The following CDH22 variants were observed in gnomAD, a reference collection of about 807,000 sequenced individuals.
CDH22 encodes cadherin 22.
A neutral mutation model predicts 58.4 loss-of-function variants in CDH22; 30 were observed. That is an observed-to-expected ratio of 0.51 (90% CI 0.38 to 0.70). The LOEUF is 0.70. Ranked by LOEUF, CDH22 falls within the 30% of genes least tolerant of loss-of-function variation. CDH22 has a pLI of 0.00. For synonymous variants in CDH22, 513 were observed against 558.2 expected, an observed-to-expected ratio of 0.92 and a Z score of 1.14; for missense variants, 1,014 against 1,233.9, an observed-to-expected ratio of 0.82 and a Z score of 2.67.
chr20:46,227,558 AC>A lies in CDH22; in HGVS notation c.619del (p.Val207CysfsTer19). 6.2e-7 allele frequency: 1 copy of A among 1,611,958 alleles called. No individual in the cohort carries two copies. The highest frequency in any genetic ancestry group is 8.5e-7 in the Non-Finnish European group (1 of 1,179,564). ...GTGCTCGCCGTCCAGCACGCTGTAC[AC>A]CAGCCGAGCGCTGCTGCCGTACGTG... ...DPTYGSSARL[V>X]YSVLDGEHHF... is the part of the protein sequence containing the mutation. On this transcript the variant is annotated frameshift_variant, in exon 4 of 12. Transcript: ENST00000537909. LOFTEE classifies it high-confidence loss of function.
intron 1 of CDH22, among the ~76,000 whole-genome samples, chr20:46,298,341 T>C (rs557562240): frequency 6.6e-6 from 1 of 152,268 alleles, no homozygotes; most frequent in African/African-American, 2.4e-5. Flanking sequence ...TTATCTTTAG[T>C]ATCAGGTATC....
At position 46,181,795 on chromosome 20, in the gene CDH22, T is replaced by TTTCTTTCTTTCTTTCTTTC. The variant is rs1491111907; in HGVS notation, c.1664-3599_1664-3598insGAAAGAAAGAAAGAAAGAA. 3.4e-3 allele frequency among the ~76,000 whole-genome samples: 153 copies of TTTCTTTCTTTCTTTCTTTC among 45,568 alleles called. 2 individuals carry two copies. Among genetic ancestry groups the TTTCTTTCTTTCTTTCTTTC allele is most frequent in the Admixed American group, 6.2e-3 (22 of 3,542 alleles). The allele number at this position is 45,568 out of a possible 152,430, so 29.9% of individuals were successfully genotyped here. ...TCTTTCTTTCTTTCTTTCTTTCTTT[T>TTTCTTTCTTTCTTTCTTTC]CTCTCTCTTTCTCTTTCCTTTCTTT... On this transcript the variant is annotated intron_variant, in intron 10 of 11. Coordinates refer to ENST00000537909, the MANE Select transcript of CDH22 (RefSeq NM_021248.3).
chr20:46,279,274 A>G (rs2086536934), intron 1 of CDH22, among the ~76,000 whole-genome samples: 1 of 152,220 alleles, frequency 6.6e-6, no homozygotes, highest in Non-Finnish European at 1.5e-5. Flanking sequence ...CAAAAAACTC[A>G]TGACTCAGGA....
At position 46,241,373 on chromosome 20, in the gene CDH22, C is replaced by T. The variant is rs1468334509; in HGVS notation, c.256-116G>A. On this transcript the variant is annotated intron_variant, in intron 2 of 11. Coordinates refer to ENST00000537909, the MANE Select transcript of CDH22 (RefSeq NM_021248.3). This position sits in a 1 kb window ranked among gnomAD's most constrained non-coding sequence, Gnocchi z 5.2. ...GCCCATCTCTTCTCCAGCACATACA[C>T]ATCTTTAGTGAGGACACTGAGGCCC... 6 of 881,260 alleles carry T rather than the reference C, an allele frequency of 6.8e-6. No homozygotes were observed. The highest frequency in any genetic ancestry group is 3.5e-5 in the South Asian group (2 of 56,404). 54.6% of individuals were successfully genotyped at this position (881,260 alleles called of 1,614,324 possible).
chr20:46,226,087 G>A (rs6074069), intron 4 of CDH22, among the ~76,000 whole-genome samples: 35,240 of 151,576 alleles, frequency 0.23, 4,109 homozygotes, highest in South Asian at 0.28. Flanking sequence ...CCCTCTCGAC[G>A]TCACCTCTCA....
At chr20:46,188,736 T>C (rs1346007853) in intron 8 of CDH22, among the ~76,000 whole-genome samples, 1 of 152,200 alleles carries the variant, frequency 6.6e-6, no homozygotes, top group South Asian at 2.1e-4. Flanking sequence ...ATGTTGGTGC[T>C]TTCTAACCCC....
chr20:46,205,887 T>A lies in CDH22; in HGVS notation c.1286+4420A>T, dbSNP rs8120684. Among the ~76,000 whole-genome samples the A allele has an allele frequency of 7.6e-3, 1,155 of 152,184 alleles. 4 individuals are homozygous for A. The highest frequency in any genetic ancestry group is 0.012 in the Non-Finnish European group (822 of 68,006). On this transcript the variant is annotated intron_variant, in intron 7 of 11. Transcript: ENST00000537909. The stretch of plus-strand genomic sequence containing the variant: ...TCCATGATTCTGTCCCTGCCATCTC[T>A]CCTCCCCATCACTCCAACCTGGGGC...
chr20:46,247,812 G>A (rs2086341859), intron 2 of CDH22, among the ~76,000 whole-genome samples: 1 of 152,210 alleles, frequency 6.6e-6, no homozygotes, highest in African/African-American at 2.4e-5. Flanking sequence ...TTTGCTAAGA[G>A]ATGGAAACTT....
chr20:46,227,414 G>A (rs1321899639), intron 4 of CDH22, 94 bp downstream of exon 4: 1 of 1,229,300 alleles, frequency 8.1e-7, no homozygotes, highest in Non-Finnish European at 1.1e-6. Flanking sequence ...TTCTGGGACA[G>A]AAGGCTCAGA....
intron 2 of CDH22, among the ~76,000 whole-genome samples, chr20:46,242,212 T>A (rs2086295415): frequency 6.6e-6 from 1 of 152,150 alleles, no homozygotes; most frequent in Non-Finnish European, 1.5e-5. Context: ...TTTTACAGAT[T>A]TTTTTCCCAC....
At chr20:46,204,393 CAAAAAAAAAA>C (rs3092239) in intron 7 of CDH22, among the ~76,000 whole-genome samples, 1 of 77,278 alleles carries the variant, frequency 1.3e-5, no homozygotes, top group African/African-American at 5.4e-5. Context: ...GACTCTGTCT[CAAAAAAAAAA>C]AAAAAAAAAA....
intron 1 of CDH22, among the ~76,000 whole-genome samples, chr20:46,256,670 T>G (rs1338223202): frequency 6.6e-6 from 1 of 152,124 alleles, no homozygotes; most frequent in East Asian, 1.9e-4. Context: ...TAAGAGGGTT[T>G]GAGCAGAAGA....
chr20:46,255,767 G>T (rs1341545049), intron 1 of CDH22, among the ~76,000 whole-genome samples: 1 of 152,162 alleles, frequency 6.6e-6, no homozygotes, highest in Non-Finnish European at 1.5e-5. Flanking sequence ...TGAATGGATG[G>T]TGACTACAGA....
Position 46,210,540 on chromosome 20 carries a change from C to A in CDH22, c.1053G>T (p.Gln351His). The A allele has an allele frequency of 7.0e-7, 1 of 1,428,966 alleles. No homozygotes were observed. The highest frequency in any genetic ancestry group is 9.2e-7 in the Non-Finnish European group (1 of 1,088,182). 88.5% of individuals were successfully genotyped at this position (1,428,966 alleles called of 1,614,324 possible). The change falls in exon 7 of 12, where the codon CAG (glutamine) becomes CAT (histidine). Residue 351 changes from glutamine (Q) to histidine (H), a missense_variant. Physicochemically the swap from Gln to His is conservative, Grantham distance 24 (BLOSUM62 0). This residue lies in a region of CDH22 where 806 missense variants were observed against 1,038.7 expected (regional missense o/e 0.78). Coordinates refer to ENST00000537909, the MANE Select transcript of CDH22 (RefSeq NM_021248.3). This position sits in a 1 kb window ranked among gnomAD's most constrained non-coding sequence, Gnocchi z 4.5. ...CCTCCAGGATCACGGTGTGCACGGG[C>A]TGGGATTCGAAGTCCAGGCGCTGCG... Reference protein sequence around the residue: ...VVQKRLDFESQPVHTVILEAL... With the variant: ...VVQKRLDFESHPVHTVILEAL...
chr20:46,247,926 C>G (rs2086342526), intron 2 of CDH22, among the ~76,000 whole-genome samples: 1 of 152,196 alleles, frequency 6.6e-6, no homozygotes, highest in South Asian at 2.1e-4. Context: ...GGTGACAAGT[C>G]ACAACAGCAG....
chr20:46,306,891 C>T (rs2086680291), intron 1 of CDH22, among the ~76,000 whole-genome samples: 2 of 152,178 alleles, frequency 1.3e-5, no homozygotes, highest in South Asian at 2.1e-4. Flanking sequence ...CAGAGAGTCG[C>T]GGTGGTTAGG....
rs2086369029 is a variant in CDH22, at chr20:46,251,123, C to T, written c.172G>A (p.Gly58Ser). The change falls in exon 2 of 12, where the codon GGC (glycine) becomes AGC (serine). Residue 58 changes from glycine (G) to serine (S), a missense_variant. Gly to Ser is a moderately conservative substitution (Grantham distance 56). Transcript: ENST00000537909. The surrounding 1 kb of genome is among the most constrained non-coding windows in gnomAD (Gnocchi z 6.7). ...CACACCCAGCCGCGTTTGACGCGGC[C>T]GGCTCCCAGCGCGCCGTCCTGCCGA... ...GARQDGALGA[G>S]RVKRGWVWNQ... 5.0e-6 allele frequency: 8 copies of T among 1,606,162 alleles called. No homozygotes were observed. Among genetic ancestry groups the T allele is most frequent in the East Asian group, 2.3e-5 (1 of 43,478 alleles).
chr20:46,208,933 G>C (rs942301307), intron 7 of CDH22, among the ~76,000 whole-genome samples: 1 of 152,222 alleles, frequency 6.6e-6, no homozygotes, highest in Non-Finnish European at 1.5e-5. Flanking sequence ...TATTCAGCAC[G>C]TGTCCACTGA....
chr20:46,191,896 C>T (rs1568653183), intron 8 of CDH22, among the ~76,000 whole-genome samples: 1 of 152,166 alleles, frequency 6.6e-6, no homozygotes. Flanking sequence ...CCCCCATGAT[C>T]ATCCTGCTGT....
Sources: gnomAD v4.1 joint callset for allele counts (sites outside exome capture counted in the v4.1 genomes callset) on GRCh38, gnomAD v4.1.1 for gene constraint, gnomAD v4.1.1 regional missense constraint, Gnocchi (gnomAD v3.1) non-coding constraint, MANE v1.5 for transcripts, NCBI Gene and HGNC (gene_info 2026-07-23, HGNC 2026-07-21) for gene names.